SYT8: variants seen among roughly 807,000 people sequenced by gnomAD.
SYT8 encodes the protein synaptotagmin 8, also known as synaptotagmin-8.
Under a neutral mutation model 34.9 loss-of-function variants are expected in SYT8, and 50 were observed. The observed-to-expected ratio is 1.43, with a 90% CI of 1.14 to 1.81. The LOEUF is 1.81. Ranked by LOEUF, SYT8 falls within the 40% of genes most tolerant of loss-of-function variation. The pLI, the probability that SYT8 is intolerant of heterozygous loss-of-function variation, is 0.00. For missense variants in SYT8, 595 were observed against 529.0 expected (o/e 1.12, Z -1.22); for synonymous variants, 255 against 234.2 (o/e 1.09, Z -0.81).
upstream of SYT8, chr11:1,834,646 G>A: frequency 6.4e-7 from 1 of 1,569,818 alleles, no homozygotes; most frequent in Non-Finnish European, 8.7e-7. The surrounding 1 kb of genome is among the most constrained non-coding windows in gnomAD (Gnocchi z 4.5). Flanking sequence ...GCAAGGAAGT[G>A]ATGGGACCGC....
chr11:1,834,007 T>A (rs1218705213), upstream of SYT8: 1 of 154,416 alleles, frequency 6.5e-6, no homozygotes, highest in African/African-American at 2.4e-5. This position sits in a 1 kb window ranked among gnomAD's most constrained non-coding sequence, Gnocchi z 4.5. Flanking sequence ...CAGGCTGACT[T>A]GGACATGGCA....
rs946978863 is a variant in SYT8, at chr11:1,835,638, A to G, written c.258+179A>G. ...AGAGGTGAGAAGGAGGCCATGCAAC[A>G]GGGGCTGCCCCATGGGCCCGAGGGA... On this transcript the variant is annotated intron_variant, in intron 2 of 7. Coordinates refer to ENST00000341958, the MANE Select transcript of SYT8 (RefSeq NM_001394072.1). 3.2e-5 allele frequency: 26 copies of G among 812,134 alleles called. No homozygotes were observed. In the African/African-American group the frequency reaches 3.6e-4, roughly 11 times the overall value. The allele number at this position is 812,134 out of a possible 1,614,324, so 50.3% of individuals were successfully genotyped here.
At position 1,836,420 on chromosome 11, in the gene SYT8, C is replaced by T. The variant is rs761942712; in HGVS notation, c.517-5C>T. 1.9e-6 allele frequency: 3 copies of T among 1,548,182 alleles called. No individual in the cohort carries two copies. The East Asian group carries it at 7.1e-5, about 36-fold the overall frequency. ...AGCAGGGCCTGGCTCACGCCGCTGC[C>T]TCAGATCCCGCAGGCGGAGCTGCCA... On this transcript the variant is annotated splice_region_variant and splice_polypyrimidine_tract_variant and intron_variant, in intron 4 of 7. Coordinates refer to ENST00000341958, the MANE Select transcript of SYT8 (RefSeq NM_001394072.1).
rs1265071271 is a variant in SYT8 at position 1,836,880 on chromosome 11, C to A, written c.790+19C>A. ...CTTGCAGGTGAGGGTCACACCTGCC[C>A]ACGTTGTTGTACAGAGGGGGGGCCC... is the stretch of plus-strand genomic sequence containing the variant. On this transcript the variant is annotated intron_variant, in intron 6 of 7. Coordinates refer to ENST00000341958, the MANE Select transcript of SYT8 (RefSeq NM_001394072.1). 1 of 1,612,354 alleles carries A rather than the reference C, an allele frequency of 6.2e-7. No homozygotes were observed. The highest frequency in any genetic ancestry group is 8.5e-7 in the Non-Finnish European group (1 of 1,179,808).
rs778597682 is a variant in SYT8 at position 1,837,258 on chromosome 11, G to A, written c.991G>A (p.Val331Met). The change falls in exon 8 of 8, where the codon GTG (valine) becomes ATG (methionine). Residue 331 changes from valine to methionine, a missense_variant. Physicochemically the swap from Val to Met is conservative, Grantham distance 21. Transcript: ENST00000341958. ...LPLRTEPVGK[V>M]HLGARASGQP... Reference sequence around the variant, plus strand: ...GCTCCGAACTGAGCCCGTAGGCAAGGTGCACCTGGGTGCCCGGGCCTCGGG... The same window carrying A: ...GCTCCGAACTGAGCCCGTAGGCAAGATGCACCTGGGTGCCCGGGCCTCGGG... 8 of 1,584,036 alleles carry A rather than the reference G, an allele frequency of 5.1e-6. No homozygotes were observed. The highest frequency in any genetic ancestry group is 1.1e-5 in the South Asian group (1 of 88,324).
Position 1,835,475 on chromosome 11 carries a change from T to C in SYT8, c.258+16T>C. On this transcript the variant is annotated intron_variant, in intron 2 of 7. Coordinates refer to ENST00000341958, the MANE Select transcript of SYT8 (RefSeq NM_001394072.1). Reference sequence around the variant, plus strand: ...CACCCACCTGGTGAGGAGCGGCTCCTTGCTCACTCAGTCCAGAGAGGGCTT... The same window carrying C: ...CACCCACCTGGTGAGGAGCGGCTCCCTGCTCACTCAGTCCAGAGAGGGCTT... 1.9e-6 allele frequency: 3 copies of C among 1,608,006 alleles called. No homozygotes were observed. The highest frequency in any genetic ancestry group is 2.5e-6 in the Non-Finnish European group (3 of 1,179,488).
chr11:1,835,920 C>T lies in SYT8; in HGVS notation c.293C>T (p.Pro98Leu), dbSNP rs765198053. The change falls in exon 3 of 8, where the codon CCG becomes CTG. Residue 98 changes from proline to leucine, a missense_variant. Coordinates refer to ENST00000341958, the MANE Select transcript of SYT8 (RefSeq NM_001394072.1). ...QPDVDGLESS[P>L]GDAQQWGCLQ... is the part of the protein sequence containing the mutation. Reference sequence around the variant, plus strand: ...GATGTGGATGGCCTGGAGTCCAGCCCGGGGGATGCTCAGCAATGGGGGTGC... The same window carrying T: ...GATGTGGATGGCCTGGAGTCCAGCCTGGGGGATGCTCAGCAATGGGGGTGC... The T allele has an allele frequency of 4.0e-5, 64 of 1,608,552 alleles. 1 individual carries two copies. The Middle Eastern group carries it at 6.6e-4, about 17-fold the overall frequency.
chr11:1,834,769 A>G (rs1846809864), upstream of SYT8: 14 of 771,980 alleles, frequency 1.8e-5, no homozygotes, highest in Non-Finnish European at 2.4e-5. The surrounding 1 kb of genome is among the most constrained non-coding windows in gnomAD (Gnocchi z 4.5). Context: ...CGCATCCTAC[A>G]GTGGGGGCAA....
At chr11:1,832,168 G>C (rs1193243059), upstream of SYT8, among the ~76,000 whole-genome samples, 1 of 152,342 alleles carries the variant, frequency 6.6e-6, no homozygotes, top group East Asian at 1.9e-4. Context: ...AGGTCTGGGG[G>C]TCCTGGGGTG....
chr11:1,835,312 C>T lies in SYT8; in HGVS notation c.111C>T (p.Leu37=). The T allele has an allele frequency of 6.2e-7, 1 of 1,600,244 alleles. No homozygotes were observed. Among genetic ancestry groups the T allele is most frequent in the African/African-American group, 1.3e-5 (1 of 74,808 alleles). ...CTACCCCAGGGCCCCGCTGGGCTCT[C>T]ATTGCCGGCGCCCTTGCCGCGGGCG... is the stretch of plus-strand genomic sequence containing the variant. ...VAGTPWPRWA[L]IAGALAAGVL... Residue 37 remains leucine, a synonymous_variant, in exon 2 of 8, where the codon CTC becomes CTT. Coordinates refer to ENST00000341958, the MANE Select transcript of SYT8 (RefSeq NM_001394072.1).
Position 1,835,170 on chromosome 11 carries a change from T to C in SYT8, c.65T>C (p.Leu22Pro). The C allele has an allele frequency of 6.2e-7, 1 of 1,613,412 alleles. No individual in the cohort carries two copies. Among genetic ancestry groups the C allele is most frequent in the Non-Finnish European group, 8.5e-7 (1 of 1,179,924 alleles). ...APAGTTAIPG[L>P]IPDLVAGTPW... Reference sequence around the variant, plus strand: ...GCTGGCACCACAGCTATACCTGGGCTTATTCCAGACCTTGTCGCCGGGACC... The same window carrying C: ...GCTGGCACCACAGCTATACCTGGGCCTATTCCAGACCTTGTCGCCGGGACC... Residue 22 changes from leucine to proline, a missense_variant, in exon 1 of 8, where the codon CTT becomes CCT. Coordinates refer to ENST00000341958, the MANE Select transcript of SYT8 (RefSeq NM_001394072.1).
chr11:1,836,164 T>C lies in SYT8; in HGVS notation c.396T>C (p.Pro132=). ...VGLRQAADLR[P]GGTVDPYARV... ...TGAGGCAGGCAGCCGACCTGAGGCC[T>C]GGGGGCACCGTGGACCCCTATGCCC... The change falls in exon 4 of 8, where the codon CCT becomes CCC. Residue 132 remains proline (P), a synonymous_variant. Coordinates refer to ENST00000341958, the MANE Select transcript of SYT8 (RefSeq NM_001394072.1). 1 of 1,524,940 alleles carries C rather than the reference T, an allele frequency of 6.6e-7. No homozygotes were observed. The allele number at this position is 1,524,940 out of a possible 1,614,324, so 94.5% of individuals were successfully genotyped here.
intron 2 of SYT8, 66 bp downstream of exon 2, chr11:1,835,525 G>A (rs750530388): frequency 2.9e-5 from 46 of 1,575,308 alleles, no homozygotes; most frequent in Non-Finnish European, 3.9e-5. Flanking sequence ...AGAGCCCAGG[G>A]CAGCGAGGCG....
rs374732508 is a variant in SYT8 at position 1,836,531 on chromosome 11, C to T, written c.623C>T (p.Thr208Ile). The change falls in exon 5 of 8, where the codon ACC becomes ATC. Residue 208 changes from threonine (T) to isoleucine (I), a missense_variant. Transcript: ENST00000341958. ...GGTGAGCTCCGTCTGCCACTGGGCA[C>T]CGTGGATCTGCAGCATGTTCTGGAG... ...PLGELRLPLG[T>I]VDLQHVLEHW... 10 of 1,612,648 alleles carry T rather than the reference C, an allele frequency of 6.2e-6. No individual in the cohort carries two copies. The highest frequency in any genetic ancestry group is 8.5e-6 in the Non-Finnish European group (10 of 1,179,944).
chr11:1,834,623 T>G, upstream of SYT8: 1 of 1,584,328 alleles, frequency 6.3e-7, no homozygotes, highest in Non-Finnish European at 8.6e-7. This position sits in a 1 kb window ranked among gnomAD's most constrained non-coding sequence, Gnocchi z 4.5. Flanking sequence ...CTGTGGTGCG[T>G]GCTGGGGTAG....
At chr11:1,832,938 C>A (rs536467720), upstream of SYT8, among the ~76,000 whole-genome samples, 3 of 152,338 alleles carry the variant, frequency 2.0e-5, no homozygotes, top group African/African-American at 7.2e-5. Context: ...CGCACGCACA[C>A]GCACACGCAC....
At position 1,836,218 on chromosome 11, in the gene SYT8, C is replaced by G; in HGVS notation, c.450C>G (p.His150Gln). The change falls in exon 4 of 8, where the codon CAC (histidine) becomes CAG (glutamine). Residue 150 changes from histidine (H) to glutamine (Q), a missense_variant. Transcript: ENST00000341958. Reference sequence around the variant, plus strand: ...TCAGCGTCTCCACCCAGGCCGGACACAGACATGAGACAAAAGTGCACCGAG... The same window carrying G: ...TCAGCGTCTCCACCCAGGCCGGACAGAGACATGAGACAAAAGTGCACCGAG... ...ARVSVSTQAG[H>Q]RHETKVHRGT... 5.6e-6 allele frequency: 9 copies of G among 1,593,124 alleles called. No homozygotes were observed. Among genetic ancestry groups the G allele is most frequent in the Non-Finnish European group, 6.8e-6 (8 of 1,170,978 alleles).
upstream of SYT8, among the ~76,000 whole-genome samples, chr11:1,832,831 C>T (rs796955285): frequency 5.3e-5 from 8 of 152,240 alleles, no homozygotes; most frequent in Admixed American, 1.3e-4. Context: ...TGGCCGGCCG[C>T]GGCAAATCAC....
upstream of SYT8, among the ~76,000 whole-genome samples, chr11:1,833,215 C>T (rs954093965): frequency 3.3e-5 from 5 of 152,128 alleles, no homozygotes; most frequent in African/African-American, 9.7e-5. Context: ...ACGTGTGGGA[C>T]GCCGGACCCA....
Sources: allele counts gnomAD v4.1 joint callset (sites outside exome capture counted in the v4.1 genomes callset), GRCh38; gene constraint gnomAD v4.1.1; non-coding constraint Gnocchi (gnomAD v3.1); transcripts MANE v1.5; gene names NCBI Gene and HGNC (gene_info 2026-07-23, HGNC 2026-07-21).